The following SAXO2 variants were observed in gnomAD, a reference collection of about 807,000 sequenced individuals.
SAXO2 encodes stabilizer of axonemal microtubules 2.
Under a neutral mutation model 18.7 loss-of-function variants are expected in SAXO2, and 17 were observed. The ratio of observed to expected loss-of-function variants is 0.91; its 90% CI spans 0.62 to 1.36. SAXO2 has a LOEUF of 1.36. Ranked by LOEUF, SAXO2 falls within the 40% of genes most tolerant of loss-of-function variation. The probability of loss-of-function intolerance (pLI) is 0.00; values close to 1 mark genes in which losing one functional copy is unlikely to be tolerated. For synonymous variants in SAXO2, 163 were observed against 181.2 expected (o/e 0.90, Z 0.81); for missense variants, 486 against 562.6 (o/e 0.86, Z 1.38).
At chr15:82,270,008 A>T (rs1461063081) in intron 2 of SAXO2, among the ~76,000 whole-genome samples, 1 of 152,196 alleles carries the variant, frequency 6.6e-6, no homozygotes, top group Non-Finnish European at 1.5e-5. Flanking sequence ...GAGGGGAAAT[A>T]GCGAGTTGAT....
chr15:82,284,229 G>A lies in SAXO2; in HGVS notation c.*1167G>A, dbSNP rs1188336673. 1 of 151,764 alleles carries A rather than the reference G, an allele frequency of 6.6e-6. No homozygotes were observed. The highest frequency in any genetic ancestry group is 1.5e-5 in the Non-Finnish European group (1 of 67,982). The allele number at this position is 151,764 out of a possible 1,614,324, so 9.4% of individuals were successfully genotyped here. ...TTACTTACTCAATGCTCATTTTCTGGCCTGTAGCAAGGATTGTAAAATAAC... is the reference window on the plus strand; with the variant it reads ...TTACTTACTCAATGCTCATTTTCTGACCTGTAGCAAGGATTGTAAAATAAC... On this transcript the variant is annotated 3_prime_UTR_variant, in exon 4 of 4. Transcript: ENST00000682753.
rs2075209733 is a variant in SAXO2, at chr15:82,265,640, A to G, written c.125A>G (p.Tyr42Cys). 6.7e-7 allele frequency: 1 copy of G among 1,484,558 alleles called. No individual in the cohort carries two copies. Among genetic ancestry groups the G allele is most frequent in the African/African-American group, 1.4e-5 (1 of 69,566 alleles). The allele number at this position is 1,484,558 out of a possible 1,614,324, so 92.0% of individuals were successfully genotyped here. A position where few individuals can be genotyped will look rare whatever the true frequency, so the allele number is the denominator to read the frequency against. ...NSGVFCPTTE[Y>C]LEKYPMYDNV... ...GGGGTGTTTTGCCCTACAACTGAAT[A>G]TTTGGAAAAATATCCTATGTATGAC... Residue 42 changes from tyrosine (Y) to cysteine (C), a missense_variant, in exon 2 of 4, where the codon TAT becomes TGT. Physicochemically the swap from Tyr to Cys is radical, Grantham distance 194 (BLOSUM62 -2). Coordinates refer to ENST00000682753, the MANE Select transcript of SAXO2 (RefSeq NM_001348699.2).
At chr15:82,264,218 C>T (rs2075183658) in intron 1 of SAXO2, among the ~76,000 whole-genome samples, 1 of 151,804 alleles carries the variant, frequency 6.6e-6, no homozygotes, top group South Asian at 2.1e-4. Flanking sequence ...ATTACAGGCT[C>T]GTGCGACCAC....
intron 3 of SAXO2, among the ~76,000 whole-genome samples, chr15:82,275,680 T>C (rs1251297793): frequency 6.6e-6 from 1 of 152,182 alleles, no homozygotes; most frequent in Non-Finnish European, 1.5e-5. Context: ...AAAAATCATA[T>C]GATCATCTCA....
chr15:82,271,032 C>T (rs2141367485), intron 2 of SAXO2, among the ~76,000 whole-genome samples: 1 of 152,306 alleles, frequency 6.6e-6, no homozygotes, highest in South Asian at 2.1e-4. Context: ...CCATCCATGA[C>T]AAGGACTTCT....
At chr15:82,276,384 A>C (rs1033376538) in intron 3 of SAXO2, among the ~76,000 whole-genome samples, 4 of 152,204 alleles carry the variant, frequency 2.6e-5, no homozygotes, top group Non-Finnish European at 1.5e-5. Flanking sequence ...ACCCAAAAAG[A>C]GCCTGAATAG....
intron 2 of SAXO2, among the ~76,000 whole-genome samples, chr15:82,270,350 AGT>A (rs1257023118): frequency 6.6e-6 from 1 of 152,214 alleles, no homozygotes; most frequent in African/African-American, 2.4e-5. Context: ...AGAAACAGAC[AGT>A]GTGCACAATA....
At chr15:82,271,882 C>G in intron 3 of SAXO2, 80 bp downstream of exon 3, 1 of 1,229,674 alleles carries the variant, frequency 8.1e-7, no homozygotes, top group Non-Finnish European at 1.2e-6. Context: ...CAAATTATAA[C>G]TTTGGTGTGC....
intron 1 of SAXO2, 31 bp downstream of exon 1, chr15:82,262,963 G>T: frequency 6.3e-7 from 1 of 1,581,642 alleles, no homozygotes; most frequent in South Asian, 1.2e-5. Flanking sequence ...CGGCGGGCCC[G>T]GGCTTGGGAG....
At chr15:82,273,983 G>A (rs111803183) in intron 3 of SAXO2, among the ~76,000 whole-genome samples, 14 of 152,036 alleles carry the variant, frequency 9.2e-5, no homozygotes, top group South Asian at 6.2e-4. Context: ...TGATTCGCCC[G>A]CCTTGTCCTC....
At chr15:82,273,477 A>G (rs1229553575) in intron 3 of SAXO2, among the ~76,000 whole-genome samples, 1 of 152,156 alleles carries the variant, frequency 6.6e-6, no homozygotes, top group East Asian at 1.9e-4. Context: ...CGAGTAAGTA[A>G]AGTGCAGGAT....
intron 3 of SAXO2, among the ~76,000 whole-genome samples, chr15:82,280,880 G>A (rs1303653193): frequency 6.6e-6 from 1 of 152,072 alleles, no homozygotes; most frequent in Non-Finnish European, 1.5e-5. Flanking sequence ...GGTCTCTGCT[G>A]GCCTAAAGGT....
Position 82,283,005 on chromosome 15 carries a change from A to G in SAXO2, c.1320A>G (p.Thr440=). The G allele has an allele frequency of 6.2e-7, 1 of 1,613,934 alleles. No individual in the cohort carries two copies. Among genetic ancestry groups the G allele is most frequent in the South Asian group, 1.1e-5 (1 of 90,994 alleles). The part of the protein sequence containing the change: ...PSPPGYIFDN[T]NSQGHKFFRK... ...CTCCAGGTTATATTTTCGACAATACAAATTCCCAAGGTCATAAATTCTTCC... is the reference window on the plus strand; with the variant it reads ...CTCCAGGTTATATTTTCGACAATACGAATTCCCAAGGTCATAAATTCTTCC... Residue 440 remains threonine (T), a synonymous_variant, in exon 4 of 4, where the codon ACA becomes ACG. Transcript: ENST00000682753.
At chr15:82,275,281 C>CAAAAAAAAAAAAA (rs756023248) in intron 3 of SAXO2, among the ~76,000 whole-genome samples, 22 of 45,896 alleles carry the variant, frequency 4.8e-4, no homozygotes, top group Non-Finnish European at 7.1e-4. Flanking sequence ...ACCTATCAAC[C>CAAAAAAAAAAAAA]AAAAAAAAAA....
At position 82,275,242 on chromosome 15, in the gene SAXO2, G is replaced by A. The variant is rs1238321396; in HGVS notation, c.433+3440G>A. Among the ~76,000 whole-genome samples, 8 of 98,702 alleles carry A rather than the reference G, an allele frequency of 8.1e-5. No homozygotes were observed. In the South Asian group the frequency reaches 1.7e-3, roughly 20 times the overall value. The allele number at this position is 98,702 out of a possible 152,430, so 64.8% of individuals were successfully genotyped here. On this transcript the variant is annotated intron_variant, in intron 3 of 3. Coordinates refer to ENST00000682753, the MANE Select transcript of SAXO2 (RefSeq NM_001348699.2). The stretch of plus-strand genomic sequence containing the variant: ...CAGAAATCCTGAACAGATCAATAAC[G>A]AGTAAGGAAATTGAATCAGTAGTAA...
intron 2 of SAXO2, among the ~76,000 whole-genome samples, chr15:82,269,186 T>C (rs1395478793): frequency 6.6e-6 from 1 of 152,186 alleles, no homozygotes; most frequent in Non-Finnish European, 1.5e-5. Flanking sequence ...CTATTAGAAA[T>C]GGCAATCAAA....
intron 2 of SAXO2, among the ~76,000 whole-genome samples, chr15:82,271,316 G>C (rs1048279936): frequency 6.6e-6 from 1 of 152,024 alleles, no homozygotes; most frequent in African/African-American, 2.4e-5. Flanking sequence ...AATTACTTGA[G>C]GATATTATTT....
intron 1 of SAXO2, chr15:82,263,472 A>G (rs769708362): frequency 4.3e-6 from 3 of 702,092 alleles, no homozygotes; most frequent in East Asian, 2.7e-5. Flanking sequence ...CTAGAATCCA[A>G]CTGTGAGTCC....
At chr15:82,263,180 C>G (rs1484404653) in intron 1 of SAXO2, 1 of 1,450,558 alleles carries the variant, frequency 6.9e-7, no homozygotes, top group African/African-American at 1.4e-5. Context: ...AAAATGCCAC[C>G]CGGGCCAGGT....
Sources: gnomAD v4.1 joint callset for allele counts (sites outside exome capture counted in the v4.1 genomes callset) on GRCh38, gnomAD v4.1.1 for gene constraint, MANE v1.5 for transcripts, NCBI Gene and HGNC (gene_info 2026-07-23, HGNC 2026-07-21) for gene names.